The following MCF2L variants were observed in gnomAD, a reference collection of about 807,000 sequenced individuals.
MCF2L encodes MCF.2 cell line derived transforming sequence like.
MCF2L carries 97 observed loss-of-function variants against 153.4 expected under a neutral mutation model. That is an observed-to-expected ratio of 0.63 (90% CI 0.54 to 0.75). MCF2L has a LOEUF of 0.75. Among genes scored for constraint, MCF2L ranks in the 30% least tolerant of loss-of-function variants. The probability of loss-of-function intolerance (pLI) is 0.00; values close to 1 mark genes in which losing one functional copy is unlikely to be tolerated. For synonymous variants in MCF2L, 659 were observed against 632.2 expected, an observed-to-expected ratio of 1.04 and a Z score of -0.64; for missense variants, 1,347 against 1,495.2, an observed-to-expected ratio of 0.90 and a Z score of 1.64.
rs755294674 is a variant in MCF2L at position 113,089,696 on chromosome 13, C to T, written c.2921C>T (p.Ala974Val). Residue 974 changes from alanine (A) to valine (V), a missense_variant, in exon 26 of 30, where the codon GCG (alanine) becomes GTG (valine). Ala to Val is a moderately conservative substitution (Grantham distance 64). Transcript: ENST00000535094. The part of the protein sequence containing the change: ...PLSLEGYVSS[A>V]PLTKPPEKGK... ...AGCCTGGAGGGATACGTCAGCTCAG[C>T]GCCACTGACAAAGCCCCCCGAAAAG... is the stretch of plus-strand genomic sequence containing the variant. The T allele has an allele frequency of 4.4e-5, 71 of 1,613,746 alleles. No homozygotes were observed. The highest frequency in any genetic ancestry group is 1.6e-4 in the Middle Eastern group (1 of 6,084).
In MCF2L at chr13:113,038,395, G is replaced by A. The variant is rs184703666; in HGVS notation, c.279-6876G>A. Among the ~76,000 whole-genome samples, 751 of 151,852 alleles carry A rather than the reference G, an allele frequency of 4.9e-3. 3 individuals are homozygous for A. Among genetic ancestry groups the A allele is most frequent in the Non-Finnish European group, 8.6e-3 (584 of 67,962 alleles). ...CAGGAGAATGGCCTGAACCCGGAAG[G>A]CGGAGCTTGCAGTGAGCTGATATCG... is the stretch of plus-strand genomic sequence containing the variant. On this transcript the variant is annotated intron_variant, in intron 3 of 29. Transcript: ENST00000535094.
At chr13:113,056,828 AGGTGCTGTGTGTTTG>A (rs2029962631) in intron 4 of MCF2L, among the ~76,000 whole-genome samples, 1 of 44,124 alleles carries the variant, frequency 2.3e-5, no homozygotes, top group South Asian at 7.6e-4. Context: ...CTGAGTGTTT[AGGTGCTGTGTGTTTG>A]GGTGCTGAGT....
At chr13:112,937,450 G>T (rs1376804235) in intron 2 of MCF2L, among the ~76,000 whole-genome samples, 1 of 152,144 alleles carries the variant, frequency 6.6e-6, no homozygotes, top group Non-Finnish European at 1.5e-5. Context: ...TAAAGCTGAT[G>T]GTAAATTATT....
chr13:113,025,350 T>G (rs1252233193), intron 3 of MCF2L, among the ~76,000 whole-genome samples: 8 of 65,112 alleles, frequency 1.2e-4, no homozygotes, highest in African/African-American at 2.0e-4. Flanking sequence ...AGAGTCTCTG[T>G]GAGGTTTCGT....
chr13:113,061,064 G>A (rs928377387), intron 5 of MCF2L, among the ~76,000 whole-genome samples: 2 of 152,110 alleles, frequency 1.3e-5, no homozygotes, highest in African/African-American at 2.4e-5. Context: ...TGGCCCACCC[G>A]CGAGGAACTC....
intron 27 of MCF2L, chr13:113,095,218 A>T: frequency 1.6e-6 from 2 of 1,223,258 alleles, no homozygotes; most frequent in Non-Finnish European, 2.1e-6. Flanking sequence ...TTACACCAAG[A>T]AGTGTCTGCT....
intron 3 of MCF2L, among the ~76,000 whole-genome samples, chr13:113,025,893 GGTTTCCCC>G (rs2085250721): frequency 7.5e-6 from 1 of 132,638 alleles, no homozygotes; most frequent in African/African-American, 2.7e-5. Flanking sequence ...GTCCCTGTGA[GGTTTCCCC>G]ATTGTGGGGT....
intron 2 of MCF2L, among the ~76,000 whole-genome samples, chr13:113,016,419 C>A (rs1223512723): frequency 6.6e-6 from 1 of 152,192 alleles, no homozygotes; most frequent in Non-Finnish European, 1.5e-5. Flanking sequence ...CTCTGCCAAG[C>A]CCCTGGGGGA....
chr13:113,008,159 T>G (rs1379818020), intron 1 of MCF2L, among the ~76,000 whole-genome samples: 2 of 152,208 alleles, frequency 1.3e-5, no homozygotes, highest in Non-Finnish European at 2.9e-5. Flanking sequence ...TCAAGTGATT[T>G]GTCCACCTTG....
At chr13:113,094,812 C>A in intron 27 of MCF2L, 177 bp downstream of exon 27, 1 of 1,052,036 alleles carries the variant, frequency 9.5e-7, no homozygotes, top group Non-Finnish European at 1.4e-6. Flanking sequence ...CTAACTCTCT[C>A]TGGAAGGTCC....
intron 4 of MCF2L, chr13:113,047,321 A>G (rs1034026670): frequency 6.6e-6 from 1 of 152,262 alleles, no homozygotes; most frequent in African/African-American, 2.4e-5. Context: ...AGTTCTTTAG[A>G]TAAAAGCCAT....
chr13:113,090,563 A>G, intron 26 of MCF2L: 1 of 985,180 alleles, frequency 1.0e-6, no homozygotes, highest in Non-Finnish European at 1.2e-6. Context: ...GGCATCCACT[A>G]GTGAACAGGG....
At chr13:113,076,183 T>G (rs763315823) in intron 12 of MCF2L, 26 bp downstream of exon 12, 15 of 1,587,562 alleles carry the variant, frequency 9.4e-6, no homozygotes, top group South Asian at 8.0e-5. Context: ...GCTCTCCATT[T>G]GCAGCTTGCT....
intron 2 of MCF2L, among the ~76,000 whole-genome samples, chr13:112,958,993 TCTCCTGTGGCCGCTATGC>T (rs1683172742): frequency 1.3e-5 from 2 of 152,008 alleles, no homozygotes; most frequent in Admixed American, 1.3e-4. Context: ...AAAGCAGAGG[TCTCCTGTGGCCGCTATGC>T]CTCTTCCAGA....
chr13:112,895,011 C>T (rs117163738), intron 1 of MCF2L, among the ~76,000 whole-genome samples: 8,452 of 152,010 alleles, frequency 0.056, 335 homozygotes, highest in South Asian at 0.08. Context: ...CTGCTTGTCC[C>T]GGGCCAGGGT....
intron 27 of MCF2L, chr13:113,095,711 G>A: frequency 1.0e-6 from 1 of 992,700 alleles, no homozygotes; most frequent in Non-Finnish European, 1.2e-6. Flanking sequence ...AGGCCCTGCA[G>A]CCGGCAGCAC....
intron 4 of MCF2L, among the ~76,000 whole-genome samples, chr13:113,055,459 T>C (rs9577451): frequency 0.37 from 37,440 of 101,488 alleles, 8,478 homozygotes; most frequent in African/African-American, 0.5. Flanking sequence ...GCTTCATCTC[T>C]GAGCTTCAGG....
chr13:113,004,193 C>A lies in MCF2L; in HGVS notation c.80-10570C>A, dbSNP rs187046151. Reference sequence around the variant, plus strand: ...TGACCCTCCGGGGCACAAGTGTCCTCGGGGAGCTGGTCCCTACTACATAGA... The same window carrying A: ...TGACCCTCCGGGGCACAAGTGTCCTAGGGGAGCTGGTCCCTACTACATAGA... On this transcript the variant is annotated intron_variant, in intron 1 of 29. Coordinates refer to ENST00000535094, the MANE Select transcript of MCF2L (RefSeq NM_001112732.3). Among the ~76,000 whole-genome samples the A allele has an allele frequency of 2.1e-3, 313 of 152,284 alleles. 4 individuals are homozygous for A. The highest frequency in any genetic ancestry group is 7.4e-3 in the African/African-American group (308 of 41,558).
chr13:113,012,248 G>A (rs543407190), intron 1 of MCF2L, among the ~76,000 whole-genome samples: 1 of 106,512 alleles, frequency 9.4e-6, no homozygotes, highest in East Asian at 3.0e-4. Context: ...CGATGAGGAC[G>A]GTGGACACTG....
Sources: allele counts gnomAD v4.1 joint callset (sites outside exome capture counted in the v4.1 genomes callset), GRCh38; gene constraint gnomAD v4.1.1; transcripts MANE v1.5; gene names NCBI Gene and HGNC (gene_info 2026-07-23, HGNC 2026-07-21).